The following FTO variants were observed in gnomAD, a reference collection of about 807,000 sequenced individuals.
The protein encoded by FTO is FTO alpha-ketoglutarate dependent dioxygenase.
FTO carries 47 observed loss-of-function variants against 63.9 expected under a neutral mutation model. The observed-to-expected ratio is 0.74, with a 90% CI of 0.58 to 0.94. The LOEUF is 0.94. Ranked by LOEUF, FTO falls within the 40% of genes least tolerant of loss-of-function variation. The probability of loss-of-function intolerance (pLI) is 0.00; values close to 1 mark genes in which losing one functional copy is unlikely to be tolerated. For missense variants in FTO, 562 were observed against 618.1 expected, an observed-to-expected ratio of 0.91 and a Z score of 0.96; for synonymous variants, 207 against 224.4, an observed-to-expected ratio of 0.92 and a Z score of 0.69.
intron 2 of FTO, among the ~76,000 whole-genome samples, chr16:53,811,769 G>T (rs2078532255): frequency 6.6e-6 from 1 of 151,976 alleles, no homozygotes. Flanking sequence ...GGGCCTTCTT[G>T]CTACGTCCTC....
intron 1 of FTO, among the ~76,000 whole-genome samples, chr16:53,766,477 T>TG (rs1430873273): frequency 6.6e-6 from 1 of 152,146 alleles, no homozygotes; most frequent in Non-Finnish European, 1.5e-5. Context: ...CCCATTTCAG[T>TG]GCTCCAAAGT....
intron 7 of FTO, chr16:53,911,407 AAT>A (rs2081699199): frequency 1.4e-6 from 1 of 703,068 alleles, no homozygotes; most frequent in Non-Finnish European, 2.6e-6. Context: ...CAGCGAATGT[AAT>A]AGTGTCGAAC....
In FTO at chr16:53,826,466, G is replaced by C; in HGVS notation, c.726G>C (p.Val242=). The C allele has an allele frequency of 6.2e-7, 1 of 1,614,150 alleles. No individual in the cohort carries two copies. The highest frequency in any genetic ancestry group is 8.5e-7 in the Non-Finnish European group (1 of 1,180,024). The stretch of plus-strand genomic sequence containing the variant: ...AAAATCTGGTGGACAGGTCAGCGGT[G>C]GCAGTGTACAGTTATAGCTGTGAAG... ...HDENLVDRSA[V]AVYSYSCEGP... is the part of the protein sequence containing the mutation. The change falls in exon 3 of 9, where the codon GTG becomes GTC. Residue 242 remains valine, a synonymous_variant. Coordinates refer to ENST00000471389, the MANE Select transcript of FTO (RefSeq NM_001080432.3).
intron 8 of FTO, among the ~76,000 whole-genome samples, chr16:54,108,443 A>G (rs1245088062): frequency 2.0e-5 from 3 of 152,134 alleles, no homozygotes; most frequent in Non-Finnish European, 4.4e-5. Flanking sequence ...TCAAAATGTG[A>G]TAGGATCCAG....
intron 7 of FTO, among the ~76,000 whole-genome samples, chr16:53,889,443 A>C (rs886613256): frequency 3.3e-5 from 5 of 152,222 alleles, no homozygotes; most frequent in Non-Finnish European, 5.9e-5. Flanking sequence ...TCCACAGCTT[A>C]TGCTCTCAAC....
chr16:53,741,597 A>G (rs1419274189), intron 1 of FTO, among the ~76,000 whole-genome samples: 1 of 152,218 alleles, frequency 6.6e-6, no homozygotes, highest in Non-Finnish European at 1.5e-5. Context: ...AATCTGAATC[A>G]TGACCTAGGT....
intron 8 of FTO, among the ~76,000 whole-genome samples, chr16:53,935,246 T>C (rs1361153585): frequency 6.6e-6 from 1 of 152,220 alleles, no homozygotes; most frequent in Non-Finnish European, 1.5e-5. Context: ...GTCAAGAACA[T>C]TTATTGATAG....
chr16:53,759,884 C>G (rs993422552), intron 1 of FTO, among the ~76,000 whole-genome samples: 23 of 141,658 alleles, frequency 1.6e-4, no homozygotes, highest in African/African-American at 6.7e-4. Flanking sequence ...TAAGAGCTCT[C>G]ATTTGCATCC....
chr16:53,753,504 CA>C (rs2151578373), intron 1 of FTO, among the ~76,000 whole-genome samples: 1 of 151,816 alleles, frequency 6.6e-6, no homozygotes, highest in Non-Finnish European at 1.5e-5. Flanking sequence ...ATGTAACTTA[CA>C]AAATATTTGC....
intron 1 of FTO, among the ~76,000 whole-genome samples, chr16:53,774,833 C>T (rs867052676): frequency 3.3e-5 from 5 of 152,232 alleles, no homozygotes; most frequent in South Asian, 2.1e-4. Flanking sequence ...TTTGTAAGAA[C>T]ACACAACCAT....
intron 8 of FTO, among the ~76,000 whole-genome samples, chr16:54,075,282 A>G (rs2085965819): frequency 6.6e-6 from 1 of 152,176 alleles, no homozygotes; most frequent in East Asian, 1.9e-4. Flanking sequence ...TAATGGCAAT[A>G]TTATTAACGT....
intron 8 of FTO, among the ~76,000 whole-genome samples, chr16:54,008,841 TAATAATAATAATAATAA>T (rs2084272117): frequency 1.5e-5 from 1 of 66,412 alleles, no homozygotes; most frequent in Admixed American, 1.2e-4. Context: ...ATAATAATAA[TAATAATAATAATAATAA>T]TAAATTAGCT....
At chr16:53,877,268 A>G (rs1253419604) in intron 5 of FTO, among the ~76,000 whole-genome samples, 1 of 152,228 alleles carries the variant, frequency 6.6e-6, no homozygotes, top group East Asian at 1.9e-4. Context: ...AATGTTCATA[A>G]TCACCAAAAA....
chr16:53,838,041 C>T (rs754868382), intron 3 of FTO, among the ~76,000 whole-genome samples: 1 of 152,184 alleles, frequency 6.6e-6, no homozygotes, highest in Non-Finnish European at 1.5e-5. Context: ...TGCCATTTCC[C>T]TCCTAGAATG....
chr16:53,893,927 A>G (rs1399155156), intron 7 of FTO, among the ~76,000 whole-genome samples: 1 of 152,152 alleles, frequency 6.6e-6, no homozygotes, highest in East Asian at 1.9e-4. Context: ...TATTGACTTT[A>G]GTGGGTAGGA....
rs2542681 is a variant in FTO, at chr16:54,116,304, A to T, written c.*4389A>T. Reference sequence around the variant, plus strand: ...ACATTTGGATCCATGCCACGCTAAAAACTGTTTATTTTGGAGATCTGTCAG... The same window carrying T: ...ACATTTGGATCCATGCCACGCTAAATACTGTTTATTTTGGAGATCTGTCAG... On this transcript the variant is annotated 3_prime_UTR_variant, in exon 9 of 9. Coordinates refer to ENST00000471389, the MANE Select transcript of FTO (RefSeq NM_001080432.3). 0.88 allele frequency: 134,211 copies of T among 152,020 alleles called. 59,465 individuals are homozygous for T. Among genetic ancestry groups the T allele is most frequent in the African/African-American group, 0.97 (40,204 of 41,470 alleles). 9.4% of individuals were successfully genotyped at this position (152,020 alleles called of 1,614,324 possible). A position where few individuals can be genotyped will look rare whatever the true frequency, so the allele number is the denominator to read the frequency against.
At chr16:53,756,299 C>A (rs973928112) in intron 1 of FTO, among the ~76,000 whole-genome samples, 2 of 152,136 alleles carry the variant, frequency 1.3e-5, no homozygotes, top group Admixed American at 1.3e-4. Context: ...GCTCTCACTC[C>A]CTTCCAGTGT....
intron 1 of FTO, among the ~76,000 whole-genome samples, chr16:53,710,981 C>T (rs1228103776): frequency 1.3e-5 from 2 of 152,156 alleles, no homozygotes; most frequent in Non-Finnish European, 2.9e-5. Flanking sequence ...TTCTCTGAGC[C>T]TCCATTTCCT....
At chr16:53,978,016 C>T (rs528084344) in intron 8 of FTO, among the ~76,000 whole-genome samples, 7 of 152,244 alleles carry the variant, frequency 4.6e-5, no homozygotes, top group African/African-American at 1.7e-4. Context: ...ACCACTATGA[C>T]TGGCTAATTT....
Sources: allele counts gnomAD v4.1 joint callset (sites outside exome capture counted in the v4.1 genomes callset), GRCh38; gene constraint gnomAD v4.1.1; transcripts MANE v1.5; gene names NCBI Gene and HGNC (gene_info 2026-07-23, HGNC 2026-07-21).